The following MYO1D variants were observed in gnomAD, a reference collection of about 807,000 sequenced individuals.
MYO1D encodes unconventional myosin-Id.
Under a neutral mutation model 122.0 loss-of-function variants are expected in MYO1D, and 83 were observed. The ratio of observed to expected loss-of-function variants is 0.68; its 90% CI spans 0.57 to 0.82. The LOEUF is 0.82. Ranked by LOEUF, MYO1D falls within the 40% of genes least tolerant of loss-of-function variation. The pLI is 0.00. For synonymous variants in MYO1D, 464 were observed against 446.9 expected, an observed-to-expected ratio of 1.04 and a Z score of -0.48; for missense variants, 1,157 against 1,269.5, an observed-to-expected ratio of 0.91 and a Z score of 1.35.
chr17:32,517,473 AG>A (rs1052965624), intron 21 of MYO1D, among the ~76,000 whole-genome samples: 3 of 152,126 alleles, frequency 2.0e-5, no homozygotes, highest in Non-Finnish European at 2.9e-5. Context: ...CATAGAGCAA[AG>A]ATTCTCAACC....
intron 1 of MYO1D, among the ~76,000 whole-genome samples, chr17:32,850,604 C>T (rs1460009622): frequency 6.6e-6 from 1 of 152,200 alleles, no homozygotes; most frequent in African/African-American, 2.4e-5. Context: ...TTAAACACTG[C>T]TCCACTTTGT....
intron 21 of MYO1D, among the ~76,000 whole-genome samples, chr17:32,599,906 G>A (rs955707306): frequency 6.6e-6 from 1 of 152,186 alleles, no homozygotes; most frequent in Non-Finnish European, 1.5e-5. Context: ...GCCCACCTCG[G>A]CCTCCAAAAG....
chr17:32,591,883 A>T (rs945629277), intron 21 of MYO1D, among the ~76,000 whole-genome samples: 12 of 152,154 alleles, frequency 7.9e-5, no homozygotes, highest in African/African-American at 2.7e-4. Flanking sequence ...GCCTTTTGAA[A>T]AAACACCTTC....
chr17:32,687,145 C>T (rs1025273882), intron 16 of MYO1D, among the ~76,000 whole-genome samples: 1 of 151,520 alleles, frequency 6.6e-6, no homozygotes, highest in Non-Finnish European at 1.5e-5. Context: ...GCCCGCACCC[C>T]AGCCTCCTGA....
chr17:32,742,622 C>G lies in MYO1D; in HGVS notation c.1613+2589G>C, dbSNP rs148767695. 3.3e-5 allele frequency among the ~76,000 whole-genome samples: 5 copies of G among 152,326 alleles called. No individual in the cohort carries two copies. The East Asian group carries it at 9.6e-4, about 29-fold the overall frequency. ...TTTCTGCACAGAGAAATGCTGGACT[C>G]TGTCATTTGTCCCTCAAAATGAATG... On this transcript the variant is annotated intron_variant, in intron 13 of 21. Coordinates refer to ENST00000318217, the MANE Select transcript of MYO1D (RefSeq NM_015194.3).
At chr17:32,611,900 A>C (rs918892859) in intron 20 of MYO1D, among the ~76,000 whole-genome samples, 1 of 152,232 alleles carries the variant, frequency 6.6e-6, no homozygotes, top group Admixed American at 6.5e-5. Flanking sequence ...AAGTAAATCC[A>C]TTTTATTCTT....
intron 17 of MYO1D, among the ~76,000 whole-genome samples, chr17:32,655,984 T>C (rs561737308): frequency 6.6e-6 from 1 of 152,156 alleles, no homozygotes; most frequent in Non-Finnish European, 1.5e-5. Flanking sequence ...AGAGAGGATT[T>C]AAGGATGACT....
At chr17:32,817,257 A>G (rs1043438744) in intron 1 of MYO1D, among the ~76,000 whole-genome samples, 1 of 152,218 alleles carries the variant, frequency 6.6e-6, no homozygotes, top group Admixed American at 6.5e-5. Context: ...ATACATTAGC[A>G]ATCTACAAAT....
chr17:32,857,967 C>A (rs1417787902), intron 1 of MYO1D, among the ~76,000 whole-genome samples: 1 of 152,120 alleles, frequency 6.6e-6, no homozygotes, highest in Non-Finnish European at 1.5e-5. Flanking sequence ...CAGTTTCTAG[C>A]AAAAAGCTTT....
intron 21 of MYO1D, among the ~76,000 whole-genome samples, chr17:32,604,036 G>A (rs1264123482): frequency 6.6e-6 from 1 of 151,900 alleles, no homozygotes; most frequent in Non-Finnish European, 1.5e-5. Context: ...TAGAATGTAA[G>A]GTGTAATAAC....
At chr17:32,796,356 G>T (rs1479901826) in intron 1 of MYO1D, among the ~76,000 whole-genome samples, 3 of 152,096 alleles carry the variant, frequency 2.0e-5, no homozygotes, top group African/African-American at 7.2e-5. Flanking sequence ...ACAATTATAT[G>T]AATTGATAAC....
At chr17:32,665,438 C>T (rs2640839) in intron 16 of MYO1D, among the ~76,000 whole-genome samples, 107,867 of 152,112 alleles carry the variant, frequency 0.71, 38,352 homozygotes, top group Middle Eastern at 0.78. Flanking sequence ...TAATATTTGC[C>T]GAATGAATGA....
chr17:32,544,266 A>AG (rs1324072542), intron 21 of MYO1D, among the ~76,000 whole-genome samples: 1 of 146,270 alleles, frequency 6.8e-6, no homozygotes, highest in African/African-American at 2.5e-5. Context: ...CAGCTAATTA[A>AG]AAAAAAAAAA....
chr17:32,844,358 T>C (rs1298572261), intron 1 of MYO1D, among the ~76,000 whole-genome samples: 2 of 147,024 alleles, frequency 1.4e-5, no homozygotes, highest in Non-Finnish European at 3.0e-5. Context: ...TATGTGTATA[T>C]ATATTATATA....
chr17:32,650,952 G>A (rs2088379868), intron 19 of MYO1D, among the ~76,000 whole-genome samples: 1 of 152,040 alleles, frequency 6.6e-6, no homozygotes, highest in African/African-American at 2.4e-5. Context: ...ACTTTTGAGT[G>A]GATGTCATAT....
At chr17:32,710,256 T>C (rs773021117) in intron 16 of MYO1D, among the ~76,000 whole-genome samples, 1 of 152,064 alleles carries the variant, frequency 6.6e-6, no homozygotes, top group Non-Finnish European at 1.5e-5. Flanking sequence ...AGAGACAGGA[T>C]GTGTGTGTAA....
chr17:32,656,382 T>C (rs1213274391), intron 17 of MYO1D, among the ~76,000 whole-genome samples: 2 of 151,582 alleles, frequency 1.3e-5, no homozygotes, highest in Admixed American at 1.3e-4. Context: ...GGGATCCAGC[T>C]GATGGGGAAG....
At chr17:32,640,391 T>C (rs1007282916) in intron 19 of MYO1D, among the ~76,000 whole-genome samples, 1 of 146,860 alleles carries the variant, frequency 6.8e-6, no homozygotes, top group Non-Finnish European at 1.5e-5. Context: ...TAGTTACATA[T>C]GTATACATGT....
chr17:32,766,407 C>T (rs965964900), intron 7 of MYO1D, among the ~76,000 whole-genome samples: 1 of 152,064 alleles, frequency 6.6e-6, no homozygotes, highest in Non-Finnish European at 1.5e-5. Flanking sequence ...AGTCATGTTC[C>T]CTCTCCTCCC....
Sources: allele counts gnomAD v4.1 joint callset (sites outside exome capture counted in the v4.1 genomes callset), GRCh38; gene constraint gnomAD v4.1.1; transcripts MANE v1.5; gene names NCBI Gene and HGNC (gene_info 2026-07-23, HGNC 2026-07-21).